The following CYP2D6 variants were observed in gnomAD, a reference collection of about 807,000 sequenced individuals.
CYP2D6 encodes the protein cytochrome P450 family 2 subfamily D member 6 (gene/pseudogene).
CYP2D6 carries 51 observed loss-of-function variants against 43.5 expected under a neutral mutation model. The ratio of observed to expected loss-of-function variants is 1.17; its 90% CI spans 0.94 to 1.48. The LOEUF (loss-of-function observed/expected upper bound fraction) is 1.48. Ranked by LOEUF, CYP2D6 falls within the 40% of genes most tolerant of loss-of-function variation. CYP2D6 has a pLI of 0.00. For synonymous variants in CYP2D6, 346 were observed against 297.1 expected (o/e 1.16, Z -1.69); for missense variants, 698 against 688.0 (o/e 1.01, Z -0.16).
Position 42,130,650 on chromosome 22 carries a change from G to A in CYP2D6, c.142C>T (p.His48Tyr), listed in dbSNP as rs754357004. The A allele has an allele frequency of 1.9e-6, 3 of 1,608,540 alleles. No individual in the cohort carries two copies. Among genetic ancestry groups the A allele is most frequent in the Non-Finnish European group, 2.5e-6 (3 of 1,177,196 alleles). Residue 48 changes from histidine (H) to tyrosine (Y), a missense_variant, in exon 1 of 9, where the codon CAT becomes TAT. By Grantham distance (83) the His-to-Tyr change is moderately conservative. Coordinates refer to ENST00000645361, the MANE Select transcript of CYP2D6 (RefSeq NM_000106.6). ...TATGGTGTGTTCTGGAAGTCCACAT[G>A]CAGCAGGTTGCCCAGCCCGGGCAGT... ...LPLPGLGNLL[H>Y]VDFQNTPYCF...
rs777691989 is a variant in CYP2D6, at chr22:42,128,324, CAGG to C, written c.690_692del (p.Leu231del). 5.0e-6 allele frequency: 8 copies of C among 1,610,594 alleles called. No individual in the cohort carries two copies. Among genetic ancestry groups the C allele is most frequent in the South Asian group, 3.3e-5 (3 of 90,892 alleles). ...CCTTGCCAGCCAGCGCTGGGATATG[CAGG>C]AGGACGGGGACAGCATTCAGCACCT... On this transcript the variant is annotated inframe_deletion, in exon 5 of 9. Coordinates refer to ENST00000645361, the MANE Select transcript of CYP2D6 (RefSeq NM_000106.6).
In CYP2D6 at chr22:42,126,648, G is replaced by C. The variant is rs185772085; in HGVS notation, c.1420C>G (p.Arg474Gly). ...FSFSVPTGQP[R>G]PSHHGVFAFL... Reference sequence around the variant, plus strand: ...GCAAAGACACCATGGTGGCTGGGCCGGGGCTGTCCAGTGGGCACCGAGAAG... The same window carrying C: ...GCAAAGACACCATGGTGGCTGGGCCCGGGCTGTCCAGTGGGCACCGAGAAG... The change falls in exon 9 of 9, where the codon CGG (arginine) becomes GGG (glycine). Residue 474 changes from arginine (R) to glycine (G), a missense_variant. By Grantham distance (125) the Arg-to-Gly change is moderately radical (BLOSUM62 -2). Around this residue, in one of 5 missense-constraint regions of CYP2D6, gnomAD observed 85 missense variants for 81.2 expected, o/e 1.05. Transcript: ENST00000645361. The C allele has an allele frequency of 2.5e-6, 4 of 1,609,522 alleles. No individual in the cohort carries two copies. Among genetic ancestry groups the C allele is most frequent in the East Asian group, 2.2e-5 (1 of 44,632 alleles).
In CYP2D6 at chr22:42,130,765, C is replaced by T. The variant is rs1332931909; in HGVS notation, c.27G>A (p.Leu9=). 2.5e-6 allele frequency: 4 copies of T among 1,583,462 alleles called. No homozygotes were observed. Among genetic ancestry groups the T allele is most frequent in the Non-Finnish European group, 1.7e-6 (2 of 1,163,836 alleles). The change falls in exon 1 of 9, where the codon CTG becomes CTA. Residue 9 remains leucine (L), a synonymous_variant. Coordinates refer to ENST00000645361, the MANE Select transcript of CYP2D6 (RefSeq NM_000106.6). ...GCAGGAAGATGGCCACTATCACGGC[C>T]AGGGGCACCAGTGCTTCTAGCCCCA... is the stretch of plus-strand genomic sequence containing the variant. MGLEALVP[L]AVIVAIFLLL...
rs1015910728 is a variant in CYP2D6, at chr22:42,129,891, C to A, written c.199G>T (p.Asp67Tyr). The A allele has an allele frequency of 3.2e-6, 5 of 1,580,874 alleles. No homozygotes were observed. The South Asian group carries it at 3.4e-5, about 11-fold the overall frequency. The stretch of plus-strand genomic sequence containing the variant: ...CAGGCCAGCTGCAGGCTGAACACGT[C>A]CCCGAAGCGGCGCCGCAACTGCAGA... The part of the protein sequence containing the change: ...CFDQLRRRFG[D>Y]VFSLQLAWTP... The change falls in exon 2 of 9, where the codon GAC becomes TAC. Residue 67 changes from aspartate (D) to tyrosine (Y), a missense_variant. By Grantham distance (160) the Asp-to-Tyr change is radical. Coordinates refer to ENST00000645361, the MANE Select transcript of CYP2D6 (RefSeq NM_000106.6).
At position 42,128,339 on chromosome 22, in the gene CYP2D6, A is replaced by G. The variant is rs146540061; in HGVS notation, c.678T>C (p.Ala226=). 1.9e-4 allele frequency: 301 copies of G among 1,610,374 alleles called. No individual in the cohort carries two copies. Among genetic ancestry groups the G allele is most frequent in the Middle Eastern group, 1.3e-3 (8 of 6,052 alleles). ...CTGGGATATGCAGGAGGACGGGGAC[A>G]GCATTCAGCACCTACACCAGACAGA... ...ESGFLREVLN[A]VPVLLHIPAL... is the part of the protein sequence containing the mutation. Residue 226 remains alanine, a synonymous_variant, in exon 5 of 9, where the codon GCT becomes GCC. Coordinates refer to ENST00000645361, the MANE Select transcript of CYP2D6 (RefSeq NM_000106.6).
At position 42,129,268 on chromosome 22, in the gene CYP2D6, C is replaced by T. The variant is rs1376020733; in HGVS notation, c.353-83G>A. The T allele has an allele frequency of 1.9e-5, 29 of 1,512,052 alleles. 1 individual carries two copies. Among genetic ancestry groups the T allele is most frequent in the Non-Finnish European group, 2.2e-5 (24 of 1,111,124 alleles). 93.7% of individuals were successfully genotyped at this position (1,512,052 alleles called of 1,614,324 possible). A position where few individuals can be genotyped will look rare whatever the true frequency, so the allele number is the denominator to read the frequency against. ...CACCCACTCCAACCCTATGCTCCCCCTGGTCTCCCGCAGTCCCTGGCTCTG... is the reference window on the plus strand; with the variant it reads ...CACCCACTCCAACCCTATGCTCCCCTTGGTCTCCCGCAGTCCCTGGCTCTG... On this transcript the variant is annotated intron_variant, in intron 2 of 8. Coordinates refer to ENST00000645361, the MANE Select transcript of CYP2D6 (RefSeq NM_000106.6).
rs1295864568 is a variant in CYP2D6, at chr22:42,127,798, C to T, written c.985+44G>A. ...CAAAGTTCATGGGCCCCCGCCTGTA[C>T]CCTTCCTCCCTCGGCCCCTGCACTG... On this transcript the variant is annotated intron_variant, in intron 6 of 8. Transcript: ENST00000645361. 11 of 1,605,220 alleles carry T rather than the reference C, an allele frequency of 6.9e-6. No individual in the cohort carries two copies. The African/African-American group carries it at 1.1e-4, about 16-fold the overall frequency.
At position 42,128,242 on chromosome 22, in the gene CYP2D6, T is replaced by A; in HGVS notation, c.775A>T (p.Arg259Trp). The A allele has an allele frequency of 1.3e-6, 2 of 1,563,788 alleles. No homozygotes were observed. Among genetic ancestry groups the A allele is most frequent in the Non-Finnish European group, 1.8e-6 (2 of 1,138,528 alleles). The change falls in exon 5 of 9, where the codon AGG (arginine) becomes TGG (tryptophan). Residue 259 changes from arginine to tryptophan, a missense_variant. Around this residue, in one of 5 missense-constraint regions of CYP2D6, gnomAD observed 588 missense variants for 521.1 expected, o/e 1.13. Coordinates refer to ENST00000645361, the MANE Select transcript of CYP2D6 (RefSeq NM_000106.6). ...GGCTGGGCTGGGTCCCAGGTCATCC[T>A]GTGCTCAGTTAGCAGCTCATCCAGC... is the stretch of plus-strand genomic sequence containing the variant. Reference protein sequence around the residue: ...TQLDELLTEHRMTWDPAQPPR... With the variant: ...TQLDELLTEHWMTWDPAQPPR...
chr22:42,128,005 C>G (rs1385551116), intron 5 of CYP2D6, 22 bp from the exon 6 acceptor site: 1 of 1,611,338 alleles, frequency 6.2e-7, no homozygotes. Flanking sequence ...CGAGAGCATA[C>G]TCGGGACAGA....
At chr22:42,128,406 A>C (rs867349751) in intron 4 of CYP2D6, 56 bp from the exon 5 acceptor site, 205 of 1,582,874 alleles carry the variant, frequency 1.3e-4, no homozygotes, top group Middle Eastern at 6.7e-4. Context: ...TCACCTGGAC[A>C]AGTCTCAGGC....
At chr22:42,130,489 C>G (rs1439163480) in intron 1 of CYP2D6, 123 bp downstream of exon 1, 3 of 1,170,762 alleles carry the variant, frequency 2.6e-6, no homozygotes, top group Non-Finnish European at 1.2e-6. Context: ...GGACGTCCCC[C>G]AAACCTGCTT....
chr22:42,127,036 A>T (rs1225850038), intron 7 of CYP2D6, 44 bp from the exon 8 acceptor site: 1 of 1,577,024 alleles, frequency 6.3e-7, no homozygotes, highest in Non-Finnish European at 8.6e-7. Flanking sequence ...GGACTCTAGG[A>T]TGCTGGGACC....
At position 42,126,560 on chromosome 22, in the gene CYP2D6, C is replaced by T. The variant is rs1202353939; in HGVS notation, c.*14G>A. On this transcript the variant is annotated 3_prime_UTR_variant, in exon 9 of 9. Coordinates refer to ENST00000645361, the MANE Select transcript of CYP2D6 (RefSeq NM_000106.6). ...CTCTGGCTAGGGAGCAGGCTGGGGA[C>T]TAGGTACCCCATTCTAGCGGGGCAC... The T allele has an allele frequency of 6.4e-7, 1 of 1,557,440 alleles. No homozygotes were observed. The highest frequency in any genetic ancestry group is 1.4e-5 in the African/African-American group (1 of 71,982).
intron 2 of CYP2D6, 147 bp downstream of exon 2, chr22:42,129,591 C>G: frequency 9.2e-7 from 1 of 1,091,128 alleles, no homozygotes; most frequent in Non-Finnish European, 1.3e-6. Context: ...TCACACCTCC[C>G]TAGTGCAGGT....
At position 42,130,512 on chromosome 22, in the gene CYP2D6, C is replaced by T. The variant is rs267608273; in HGVS notation, c.180+100G>A. On this transcript the variant is annotated intron_variant, in intron 1 of 8. Coordinates refer to ENST00000645361, the MANE Select transcript of CYP2D6 (RefSeq NM_000106.6). ...CCCAAACCTGCTTCCCCTTCTCAGCCTGGCTTCTGGTCCAGCCTGTGGTTT... is the reference window on the plus strand; with the variant it reads ...CCCAAACCTGCTTCCCCTTCTCAGCTTGGCTTCTGGTCCAGCCTGTGGTTT... The T allele has an allele frequency of 1.8e-5, 23 of 1,245,196 alleles. No homozygotes were observed. The South Asian group carries it at 2.6e-4, about 14-fold the overall frequency. 77.1% of individuals were successfully genotyped at this position (1,245,196 alleles called of 1,614,324 possible). A position where few individuals can be genotyped will look rare whatever the true frequency, so the allele number is the denominator to read the frequency against.
rs2146938216 is a variant in CYP2D6, at chr22:42,129,053, G to A, written c.485C>T (p.Ala162Val). 6.2e-7 allele frequency: 1 copy of A among 1,607,204 alleles called. No individual in the cohort carries two copies. Among genetic ancestry groups the A allele is most frequent in the Non-Finnish European group, 8.5e-7 (1 of 1,176,708 alleles). The change falls in exon 3 of 9, where the codon GCC (alanine) becomes GTC (valine). Residue 162 changes from alanine (A) to valine (V), a missense_variant. By Grantham distance (64) the Ala-to-Val change is moderately conservative (BLOSUM62 0). Transcript: ENST00000645361. Reference protein sequence around the residue: ...WVTEEAACLCAAFANHSGRPF... With the variant: ...WVTEEAACLCVAFANHSGRPF... ...CCCACCGGAGTGGTTGGCGAAGGCG[G>A]CACAAAGGCAGGCGGCCTCCTCGGT...
rs1488216942 is a variant in CYP2D6 at position 42,129,915 on chromosome 22, G to C, written c.181-6C>G. On this transcript the variant is annotated splice_polypyrimidine_tract_variant and splice_region_variant and intron_variant, in intron 1 of 8. Coordinates refer to ENST00000645361, the MANE Select transcript of CYP2D6 (RefSeq NM_000106.6). ...TCCCCGAAGCGGCGCCGCAACTGCA[G>C]AGGGAGGGTCAGGGCCTCTTGTCAA... 6.4e-7 allele frequency: 1 copy of C among 1,552,196 alleles called. No individual in the cohort carries two copies. Among genetic ancestry groups the C allele is most frequent in the Non-Finnish European group, 8.7e-7 (1 of 1,149,432 alleles).
At position 42,129,234 on chromosome 22, in the gene CYP2D6, A is replaced by G. The variant is rs755309061; in HGVS notation, c.353-49T>C. ...GCGTGGCCATGAAGGCATTAGCCCC[A>G]CCATCCACCACCCACTCCAACCCTA... On this transcript the variant is annotated intron_variant, in intron 2 of 8. Coordinates refer to ENST00000645361, the MANE Select transcript of CYP2D6 (RefSeq NM_000106.6). The G allele has an allele frequency of 2.5e-6, 4 of 1,582,336 alleles. No individual in the cohort carries two copies. The South Asian group carries it at 4.5e-5, about 18-fold the overall frequency.
Position 42,126,719 on chromosome 22 carries a change from C to A in CYP2D6, c.1349G>T (p.Arg450Leu). Residue 450 changes from arginine to leucine, a missense_variant, in exon 9 of 9, where the codon CGC (arginine) becomes CTC (leucine). Physicochemically the swap from Arg to Leu is moderately radical, Grantham distance 102 (BLOSUM62 -2). This residue lies in a region of CYP2D6 where 85 missense variants were observed against 81.2 expected (regional missense o/e 1.05). Transcript: ENST00000645361. The part of the protein sequence containing the change: ...RRACLGEPLA[R>L]MELFLFFTSL... The stretch of plus-strand genomic sequence containing the variant: ...GGTGAAGAAGAGGAAGAGCTCCATG[C>A]GGGCCAGGGGCTCCCCGAGGCATGC... The A allele has an allele frequency of 6.4e-7, 1 of 1,570,142 alleles. No individual in the cohort carries two copies. The highest frequency in any genetic ancestry group is 8.6e-7 in the Non-Finnish European group (1 of 1,158,504).
Sources: gnomAD v4.1 joint callset for allele counts on GRCh38, gnomAD v4.1.1 for gene constraint, gnomAD v4.1.1 regional missense constraint, MANE v1.5 for transcripts, NCBI Gene and HGNC (gene_info 2026-07-23, HGNC 2026-07-21) for gene names.